The following MTMR7 variants were observed in gnomAD, a reference collection of about 807,000 sequenced individuals.
MTMR7 encodes the protein myotubularin related protein 7.
A neutral mutation model predicts 81.2 loss-of-function variants in MTMR7; 76 were observed. That is an observed-to-expected ratio of 0.94 (90% CI 0.78 to 1.13). The LOEUF (loss-of-function observed/expected upper bound fraction) is 1.13. Among genes scored for constraint, MTMR7 ranks in the 50% most tolerant of loss-of-function variants. The pLI, the probability that MTMR7 is intolerant of heterozygous loss-of-function variation, is 0.00. For missense variants in MTMR7, 1,044 were observed against 820.0 expected, an observed-to-expected ratio of 1.27 and a Z score of -3.34; for synonymous variants, 372 against 289.8, an observed-to-expected ratio of 1.28 and a Z score of -2.88.
At chr8:17,405,545 T>G (rs1182801625) in intron 1 of MTMR7, among the ~76,000 whole-genome samples, 1 of 152,134 alleles carries the variant, frequency 6.6e-6, no homozygotes, top group African/African-American at 2.4e-5. Context: ...AGGATGACAT[T>G]ATCTTTATTA....
chr8:17,358,594 A>C (rs1819967324), intron 4 of MTMR7, among the ~76,000 whole-genome samples: 1 of 152,226 alleles, frequency 6.6e-6, no homozygotes, highest in South Asian at 2.1e-4. Flanking sequence ...CTTATTAAAA[A>C]TAGAATACTG....
At chr8:17,319,165 C>T (rs1019457743) in intron 7 of MTMR7, among the ~76,000 whole-genome samples, 2 of 152,216 alleles carry the variant, frequency 1.3e-5, no homozygotes, top group East Asian at 3.9e-4. Flanking sequence ...CAGAGGCAGA[C>T]ACAGCTGCAC....
intron 3 of MTMR7, among the ~76,000 whole-genome samples, chr8:17,362,398 AG>A (rs2150558141): frequency 6.6e-6 from 1 of 152,368 alleles, no homozygotes. Flanking sequence ...ATGATAATAA[AG>A]GATAACTGAT....
At chr8:17,303,546 G>A (rs1278175621) in intron 12 of MTMR7, among the ~76,000 whole-genome samples, 1 of 151,670 alleles carries the variant, frequency 6.6e-6, no homozygotes, top group Non-Finnish European at 1.5e-5. Flanking sequence ...TACGTATCTA[G>A]CACATACCTA....
chr8:17,354,117 T>C (rs1819815774), intron 4 of MTMR7, among the ~76,000 whole-genome samples: 1 of 152,218 alleles, frequency 6.6e-6, no homozygotes, highest in Non-Finnish European at 1.5e-5. Context: ...ATCTGAGCAC[T>C]GTAGGGTAAG....
At chr8:17,377,068 T>A (rs1820612428) in intron 1 of MTMR7, among the ~76,000 whole-genome samples, 1 of 152,074 alleles carries the variant, frequency 6.6e-6, no homozygotes, top group African/African-American at 2.4e-5. Context: ...TTCTTTTGCA[T>A]CTATACTTTT....
chr8:17,310,045 G>C (rs956872844), intron 9 of MTMR7, among the ~76,000 whole-genome samples: 1 of 152,030 alleles, frequency 6.6e-6, no homozygotes, highest in Non-Finnish European at 1.5e-5. Context: ...CAGCCACGTA[G>C]GCTGGAGTGC....
intron 3 of MTMR7, among the ~76,000 whole-genome samples, chr8:17,366,102 G>T (rs947230837): frequency 5.3e-5 from 8 of 152,158 alleles, no homozygotes; most frequent in Non-Finnish European, 1.2e-4. Context: ...CATAGAAAAT[G>T]CAAGACATCA....
At chr8:17,409,833 C>T (rs1052419981) in intron 1 of MTMR7, among the ~76,000 whole-genome samples, 4 of 152,134 alleles carry the variant, frequency 2.6e-5, no homozygotes, top group African/African-American at 4.8e-5. Context: ...TGAGAACTAA[C>T]GTCCCCCAGA....
intron 1 of MTMR7, among the ~76,000 whole-genome samples, chr8:17,406,657 G>C (rs533309349): frequency 7.2e-5 from 11 of 152,072 alleles, no homozygotes; most frequent in Non-Finnish European, 1.5e-4. Context: ...CTATCCAAGA[G>C]AAATACAAAC....
intron 7 of MTMR7, among the ~76,000 whole-genome samples, chr8:17,318,723 C>G (rs1362902260): frequency 6.6e-6 from 1 of 152,180 alleles, no homozygotes; most frequent in Non-Finnish European, 1.5e-5. Flanking sequence ...GAAGTGGCAG[C>G]TGATGAAGCT....
At chr8:17,322,669 T>TA (rs989840929) in intron 7 of MTMR7, among the ~76,000 whole-genome samples, 1 of 151,556 alleles carries the variant, frequency 6.6e-6, no homozygotes, top group Non-Finnish European at 1.5e-5. Flanking sequence ...AAAATAAAAA[T>TA]AAAAAATTAG....
chr8:17,309,627 T>C (rs1817677195), intron 9 of MTMR7, among the ~76,000 whole-genome samples: 1 of 152,118 alleles, frequency 6.6e-6, no homozygotes, highest in South Asian at 2.1e-4. Flanking sequence ...TCTCTAACTG[T>C]AGGATAGGTA....
chr8:17,331,545 G>A (rs1410958091), intron 6 of MTMR7, among the ~76,000 whole-genome samples: 1 of 152,200 alleles, frequency 6.6e-6, no homozygotes, highest in Non-Finnish European at 1.5e-5. Flanking sequence ...CCCTTCTGGA[G>A]ATGTCACTTG....
intron 3 of MTMR7, among the ~76,000 whole-genome samples, chr8:17,366,639 C>T (rs1360960789): frequency 1.3e-5 from 2 of 152,106 alleles, no homozygotes; most frequent in East Asian, 3.9e-4. Flanking sequence ...GTAATCCCAG[C>T]ACTTTGGGAG....
At chr8:17,399,136 C>G (rs1006147975) in intron 1 of MTMR7, among the ~76,000 whole-genome samples, 2 of 151,098 alleles carry the variant, frequency 1.3e-5, no homozygotes, top group Non-Finnish European at 2.9e-5. Context: ...CTAGATCAAT[C>G]AGACAAGAGA....
intron 9 of MTMR7, among the ~76,000 whole-genome samples, chr8:17,311,173 C>T (rs2150485631): frequency 6.6e-6 from 1 of 152,274 alleles, no homozygotes; most frequent in Admixed American, 6.5e-5. Flanking sequence ...TCTTCTGTTA[C>T]ATATTCATGT....
intron 3 of MTMR7, among the ~76,000 whole-genome samples, chr8:17,363,090 C>G (rs1820106963): frequency 6.6e-6 from 1 of 152,226 alleles, no homozygotes; most frequent in Non-Finnish European, 1.5e-5. Flanking sequence ...TCCAGGCGTG[C>G]TCACACACAA....
chr8:17,341,018 T>C (rs1467336992), intron 6 of MTMR7, among the ~76,000 whole-genome samples: 1 of 152,252 alleles, frequency 6.6e-6, no homozygotes, highest in Admixed American at 6.5e-5. Flanking sequence ...GTGAATTTTA[T>C]TGTCAGAGCA....
Sources: allele counts gnomAD v4.1 joint callset (sites outside exome capture counted in the v4.1 genomes callset), GRCh38; gene constraint gnomAD v4.1.1; transcripts MANE v1.5; gene names NCBI Gene and HGNC (gene_info 2026-07-23, HGNC 2026-07-21).